The following ZSCAN31 variants were observed in gnomAD, a reference collection of about 807,000 sequenced individuals.
The protein encoded by ZSCAN31 is zinc finger and SCAN domain-containing protein 31.
Under a neutral mutation model 22.5 loss-of-function variants are expected in ZSCAN31, and 14 were observed. The ratio of observed to expected loss-of-function variants is 0.62; its 90% CI spans 0.41 to 0.97. The LOEUF is 0.97. Ranked by LOEUF, ZSCAN31 falls within the 50% of genes least tolerant of loss-of-function variation. ZSCAN31 has a pLI of 0.00. For missense variants in ZSCAN31, 424 were observed against 483.4 expected, an observed-to-expected ratio of 0.88 and a Z score of 1.15; for synonymous variants, 168 against 169.8, an observed-to-expected ratio of 0.99 and a Z score of 0.08.
chr6:28,327,503 C>G lies in ZSCAN31; in HGVS notation c.412G>C (p.Val138Leu). 6.2e-7 allele frequency: 1 copy of G among 1,613,742 alleles called. No individual in the cohort carries two copies. Among genetic ancestry groups the G allele is most frequent in the Non-Finnish European group, 8.5e-7 (1 of 1,180,000 alleles). ...APDHEHGHSEVLLEDVEHLKV... is the reference protein window; with the variant it reads ...APDHEHGHSELLLEDVEHLKV... ...AGATGTTCCACATCCTCCAAGAGCA[C>G]TTCAGAATGTCCATGTTCATGGTCT... The change falls in exon 3 of 4, where the codon GTG becomes CTG. Residue 138 changes from valine to leucine, a missense_variant. Transcript: ENST00000344279.
At chr6:28,330,019 T>C (rs1462829330) in intron 1 of ZSCAN31, among the ~76,000 whole-genome samples, 2 of 152,200 alleles carry the variant, frequency 1.3e-5, no homozygotes, top group Non-Finnish European at 1.5e-5. Flanking sequence ...ATTGTGACAC[T>C]GGATTCAACA....
chr6:28,354,750 G>C (rs1053030160), upstream of ZSCAN31, among the ~76,000 whole-genome samples: 3 of 152,222 alleles, frequency 2.0e-5, no homozygotes, highest in African/African-American at 7.2e-5. Context: ...GCAACAACAG[G>C]TTACTGTTTG....
upstream of ZSCAN31, among the ~76,000 whole-genome samples, chr6:28,339,718 G>C (rs1182069516): frequency 6.6e-6 from 1 of 152,162 alleles, no homozygotes; most frequent in Non-Finnish European, 1.5e-5. Context: ...TTATTTCTAA[G>C]ATAGTGTCCC....
At chr6:28,334,404 TA>T (rs1763985091) in intron 1 of ZSCAN31, among the ~76,000 whole-genome samples, 3 of 152,032 alleles carry the variant, frequency 2.0e-5, no homozygotes, top group Admixed American at 2.0e-4. Context: ...TTCACCGAAA[TA>T]AAAACATGGC....
chr6:28,340,445 G>C (rs1336538992), upstream of ZSCAN31, among the ~76,000 whole-genome samples: 1 of 152,146 alleles, frequency 6.6e-6, no homozygotes, highest in Non-Finnish European at 1.5e-5. Flanking sequence ...TGAGATCTGA[G>C]GTTTTATAAG....
chr6:28,340,895 G>GTTTGGT (rs1186840443), upstream of ZSCAN31, among the ~76,000 whole-genome samples: 3 of 152,110 alleles, frequency 2.0e-5, no homozygotes, highest in Non-Finnish European at 2.9e-5. Flanking sequence ...TTTCTTTAGG[G>GTTTGGT]TTTGGTTTTG....
At chr6:28,327,977 A>G (rs1424102705) in intron 2 of ZSCAN31, among the ~76,000 whole-genome samples, 1 of 152,214 alleles carries the variant, frequency 6.6e-6, no homozygotes, top group Admixed American at 6.5e-5. Flanking sequence ...GTGTCCAGGG[A>G]AGACATCACA....
chr6:28,326,453 G>A lies in ZSCAN31; in HGVS notation c.934C>T (p.Arg312Ter), dbSNP rs770273823. ...KAFSASNGLT[R>*]HRRIHTGEKP... ...TCCCCTGTGTGGATTCTTCTGTGTC[G>A]AGTGAGGCCATTGCTGGCACTGAAG... Residue 312 changes from arginine (R) to a stop codon, truncating the protein, a stop_gained, in exon 4 of 4, where the codon CGA becomes TGA. Coordinates refer to ENST00000344279, the MANE Select transcript of ZSCAN31 (RefSeq NM_030899.5). LOFTEE classifies it low-confidence loss of function (END_TRUNC). 33 of 1,613,816 alleles carry A rather than the reference G, an allele frequency of 2.0e-5. No homozygotes were observed. The highest frequency in any genetic ancestry group is 6.7e-5 in the African/African-American group (5 of 74,822).
At chr6:28,342,884 A>G (rs1764471772) in intron 2 of ZSCAN31, among the ~76,000 whole-genome samples, 1 of 152,246 alleles carries the variant, frequency 6.6e-6, no homozygotes, top group Non-Finnish European at 1.5e-5. Context: ...TAGCATATGG[A>G]ACATTTCTCC....
upstream of ZSCAN31, among the ~76,000 whole-genome samples, chr6:28,339,849 AT>A (rs1261819654): frequency 3.9e-5 from 6 of 151,962 alleles, no homozygotes; most frequent in Non-Finnish European, 5.9e-5. Context: ...TAAAATATCC[AT>A]TTTTTCCCCT....
At position 28,327,455 on chromosome 6, in the gene ZSCAN31, C is replaced by T. The variant is rs1204244769; in HGVS notation, c.460G>A (p.Asp154Asn). 1.2e-6 allele frequency: 2 copies of T among 1,613,996 alleles called. No individual in the cohort carries two copies. Among genetic ancestry groups the T allele is most frequent in the South Asian group, 2.2e-5 (2 of 91,076 alleles). Residue 154 changes from aspartate (D) to asparagine (N), a missense_variant, in exon 3 of 4, where the codon GAC becomes AAC. Transcript: ENST00000344279. ...EHLKVKQEPTDIQLQPMVTQL... is the reference protein window; with the variant it reads ...EHLKVKQEPTNIQLQPMVTQL... The stretch of plus-strand genomic sequence containing the variant: ...GTCACCATAGGCTGAAGCTGTATGT[C>T]TGTTGGTTCCTGCTTGACCTTCAGA...
chr6:28,348,580 T>G (rs146970966), intron 2 of ZSCAN31, among the ~76,000 whole-genome samples: 3 of 152,326 alleles, frequency 2.0e-5, no homozygotes, highest in African/African-American at 7.2e-5. Flanking sequence ...TCCTCAGTTC[T>G]GTTTCATTGG....
At chr6:28,327,751 G>A (rs964940039) in intron 2 of ZSCAN31, among the ~76,000 whole-genome samples, 8 of 152,138 alleles carry the variant, frequency 5.3e-5, no homozygotes, top group Admixed American at 5.2e-4. Flanking sequence ...GAATCTAACT[G>A]CCCATCCCCA....
rs1395795996 is a variant in ZSCAN31, at chr6:28,333,241, C to T, written c.-96+2841G>A. Among the ~76,000 whole-genome samples, 1 of 152,144 alleles carries T rather than the reference C, an allele frequency of 6.6e-6. No homozygotes were observed. Among genetic ancestry groups the T allele is most frequent in the African/African-American group, 2.4e-5 (1 of 41,422 alleles). ...CTGACTCAGCTTATGACTTTATCAG[C>T]AACTAAGGCCCAGGAGGCAAGGGAC... On this transcript the variant is annotated intron_variant, in intron 1 of 3. Transcript: ENST00000344279. The surrounding 1 kb of genome is among the most constrained non-coding windows in gnomAD (Gnocchi z 4.1).
At chr6:28,352,208 A>T (rs73399652) in intron 2 of ZSCAN31, among the ~76,000 whole-genome samples, 1 of 152,196 alleles carries the variant, frequency 6.6e-6, no homozygotes, top group African/African-American at 2.4e-5. Flanking sequence ...TCTTTTTAGT[A>T]TCTTTAACTT....
In ZSCAN31 at chr6:28,347,670, G is replaced by A. The variant is rs1221126413; in HGVS notation, c.-370-5878C>T. On this transcript the variant is annotated intron_variant, in intron 2 of 7. Coordinates refer to the ZSCAN31 transcript ENST00000396838. The surrounding 1 kb of genome is among the most constrained non-coding windows in gnomAD (Gnocchi z 5.2). ...CCTTTTATTGCCCTTGTTATATCCT[G>A]AGCATCTAAAGCTATGTCTGGCCTA... 6.6e-6 allele frequency among the ~76,000 whole-genome samples: 1 copy of A among 152,080 alleles called. No homozygotes were observed. Among genetic ancestry groups the A allele is most frequent in the Non-Finnish European group, 1.5e-5 (1 of 68,022 alleles).
chr6:28,334,310 T>C lies in ZSCAN31; in HGVS notation c.-96+1772A>G, dbSNP rs61532733. Among the ~76,000 whole-genome samples the C allele has an allele frequency of 1.1e-4, 16 of 152,358 alleles. No homozygotes were observed. The East Asian group carries it at 2.7e-3, about 26-fold the overall frequency. On this transcript the variant is annotated intron_variant, in intron 1 of 3. Coordinates refer to ENST00000344279, the MANE Select transcript of ZSCAN31 (RefSeq NM_030899.5). ...TGCCTGTAATCCACAAAGGAATTCA[T>C]TTCACATATATTTACTAAGTGTTTA...
chr6:28,353,457 C>T (rs1765195734), intron 2 of ZSCAN31: 1 of 161,732 alleles, frequency 6.2e-6, no homozygotes, highest in Non-Finnish European at 1.4e-5. Flanking sequence ...GATAGGCTCT[C>T]TTTCAGAATA....
In ZSCAN31 at chr6:28,329,552, C is replaced by T. The variant is rs1245491847; in HGVS notation, c.132G>A (p.Gln44=). ...GQEASRQLFR[Q]FCYQETPGPR... ...GACCAGGAGTCTCTTGGTAACAAAA[C>T]TGCCTAAAAAGTTGTCGGGAGGCTT... Residue 44 remains glutamine (Q), a synonymous_variant, in exon 2 of 4, where the codon CAG becomes CAA. Transcript: ENST00000344279. The T allele has an allele frequency of 6.2e-7, 1 of 1,614,234 alleles. No individual in the cohort carries two copies. Among genetic ancestry groups the T allele is most frequent in the Non-Finnish European group, 8.5e-7 (1 of 1,180,042 alleles).
Sources: allele counts gnomAD v4.1 joint callset (sites outside exome capture counted in the v4.1 genomes callset), GRCh38; gene constraint gnomAD v4.1.1; non-coding constraint Gnocchi (gnomAD v3.1); transcripts MANE v1.5; gene names NCBI Gene and HGNC (gene_info 2026-07-23, HGNC 2026-07-21).